Variants in SKAP1 observed in about 807,000 individuals in gnomAD.
SKAP1 encodes the protein src kinase-associated phosphoprotein 1.
A neutral mutation model predicts 58.5 loss-of-function variants in SKAP1; 44 were observed. The observed-to-expected ratio is 0.75, with a 90% CI of 0.59 to 0.97. SKAP1 has a LOEUF of 0.97. Among genes scored for constraint, SKAP1 ranks in the 50% least tolerant of loss-of-function variants. The probability of loss-of-function intolerance (pLI) is 0.00; values close to 1 mark genes in which losing one functional copy is unlikely to be tolerated. For synonymous variants in SKAP1, 127 were observed against 149.7 expected (o/e 0.85, Z 1.11); for missense variants, 390 against 435.2 (o/e 0.90, Z 0.92).
chr17:48,252,156 G>A (rs2065371333), intron 4 of SKAP1, among the ~76,000 whole-genome samples: 1 of 152,114 alleles, frequency 6.6e-6, no homozygotes, highest in African/African-American at 2.4e-5. Flanking sequence ...CTATAAAATA[G>A]ATTCTAACAG....
At chr17:48,181,202 G>A (rs959248938) in intron 8 of SKAP1, among the ~76,000 whole-genome samples, 2 of 152,122 alleles carry the variant, frequency 1.3e-5, no homozygotes, top group African/African-American at 2.4e-5. Flanking sequence ...CACCACATAC[G>A]AGGAAAAGAT....
At chr17:48,175,947 G>C (rs1322704727) in intron 9 of SKAP1, among the ~76,000 whole-genome samples, 1 of 152,152 alleles carries the variant, frequency 6.6e-6, no homozygotes, top group Non-Finnish European at 1.5e-5. Flanking sequence ...ACTCTTCCCT[G>C]ATGCTCTTTC....
At chr17:48,280,473 T>G (rs539185811) in intron 4 of SKAP1, among the ~76,000 whole-genome samples, 8 of 152,044 alleles carry the variant, frequency 5.3e-5, no homozygotes, top group African/African-American at 1.7e-4. Context: ...GGTGACAGAG[T>G]GAGACTCTGT....
At chr17:48,316,847 AAC>A (rs34129208) in intron 4 of SKAP1, among the ~76,000 whole-genome samples, 32,147 of 152,054 alleles carry the variant, frequency 0.21, 3,410 homozygotes, top group Admixed American at 0.22. Flanking sequence ...CAACTTGCAT[AAC>A]ACTGAAACCA....
chr17:48,420,413 G>A (rs1248568914), intron 1 of SKAP1, among the ~76,000 whole-genome samples: 1 of 152,044 alleles, frequency 6.6e-6, no homozygotes, highest in East Asian at 1.9e-4. Flanking sequence ...CACTATTGGT[G>A]GGAACCTAAA....
intron 4 of SKAP1, chr17:48,203,593 AT>A (rs1313301590): frequency 1.3e-5 from 2 of 152,056 alleles, no homozygotes; most frequent in African/African-American, 4.8e-5. Context: ...TTCCCTTGTT[AT>A]TGTTTGGTAT....
At chr17:48,191,095 C>G (rs143375387) in intron 4 of SKAP1, among the ~76,000 whole-genome samples, 7 of 152,320 alleles carry the variant, frequency 4.6e-5, no homozygotes, top group Non-Finnish European at 8.8e-5. Flanking sequence ...TGCTAACATT[C>G]TTGGCTTTCA....
chr17:48,378,137 G>C (rs1158405978), intron 2 of SKAP1, among the ~76,000 whole-genome samples: 1 of 151,996 alleles, frequency 6.6e-6, no homozygotes, highest in Non-Finnish European at 1.5e-5. Context: ...GAGTTCATCT[G>C]AGCTTTCAAA....
intron 4 of SKAP1, among the ~76,000 whole-genome samples, chr17:48,251,596 A>G (rs190714631): frequency 2.0e-5 from 3 of 152,348 alleles, no homozygotes; most frequent in Admixed American, 1.3e-4. Flanking sequence ...GGCAAAAGAT[A>G]TAGATATCCT....
chr17:48,376,775 T>C (rs1329194615), intron 2 of SKAP1, among the ~76,000 whole-genome samples: 1 of 152,164 alleles, frequency 6.6e-6, no homozygotes, highest in Non-Finnish European at 1.5e-5. Context: ...TTGGCCGAAA[T>C]AATCAAATTG....
intron 4 of SKAP1, among the ~76,000 whole-genome samples, chr17:48,229,659 A>G (rs1028911790): frequency 1.3e-5 from 2 of 152,098 alleles, no homozygotes; most frequent in African/African-American, 4.8e-5. Context: ...TAAAAAATAA[A>G]TAAAATATTT....
At chr17:48,278,150 T>A (rs2065722605) in intron 4 of SKAP1, among the ~76,000 whole-genome samples, 1 of 152,238 alleles carries the variant, frequency 6.6e-6, no homozygotes, top group African/African-American at 2.4e-5. Context: ...TGCTAACTTC[T>A]TTGTTCTCTC....
At chr17:48,155,906 G>T (rs1404761982) in intron 11 of SKAP1, among the ~76,000 whole-genome samples, 3 of 152,170 alleles carry the variant, frequency 2.0e-5, no homozygotes, top group Non-Finnish European at 2.9e-5. Flanking sequence ...CCACAAAAGG[G>T]TCTTGCAATC....
At chr17:48,357,268 T>C (rs1456633226) in intron 3 of SKAP1, among the ~76,000 whole-genome samples, 2 of 152,166 alleles carry the variant, frequency 1.3e-5, no homozygotes, top group African/African-American at 2.4e-5. Flanking sequence ...GAAGGACTTT[T>C]AGAAAGGACA....
chr17:48,153,547 T>C (rs1006322582), intron 11 of SKAP1, among the ~76,000 whole-genome samples: 2 of 152,210 alleles, frequency 1.3e-5, no homozygotes, highest in African/African-American at 4.8e-5. Flanking sequence ...CAGCACAGTG[T>C]TGACCTGCTT....
chr17:48,250,508 C>T (rs572744304), intron 4 of SKAP1, among the ~76,000 whole-genome samples: 16 of 151,862 alleles, frequency 1.1e-4, no homozygotes, highest in African/African-American at 3.9e-4. Flanking sequence ...GTCTCAAACT[C>T]CTGACCTTGT....
chr17:48,272,889 C>A (rs1327353723), intron 4 of SKAP1, among the ~76,000 whole-genome samples: 1 of 152,186 alleles, frequency 6.6e-6, no homozygotes, highest in Non-Finnish European at 1.5e-5. Context: ...ATTTCAATGT[C>A]AATGTCTTAA....
upstream of SKAP1, among the ~76,000 whole-genome samples, chr17:48,431,913 C>T (rs1268520759): frequency 6.6e-6 from 1 of 152,044 alleles, no homozygotes; most frequent in Non-Finnish European, 1.5e-5. Context: ...AAGTGCCTGC[C>T]TCCTTGTACT....
intron 3 of SKAP1, among the ~76,000 whole-genome samples, chr17:48,362,172 T>C (rs932602234): frequency 2.0e-5 from 3 of 152,218 alleles, no homozygotes; most frequent in Non-Finnish European, 2.9e-5. Context: ...TCTACCTCTG[T>C]CCTCTCTCCA....
Sources: allele counts gnomAD v4.1 joint callset (sites outside exome capture counted in the v4.1 genomes callset), GRCh38; gene constraint gnomAD v4.1.1; transcripts MANE v1.5; gene names NCBI Gene and HGNC (gene_info 2026-07-23, HGNC 2026-07-21).